The following ABCC4 variants were observed in gnomAD, a reference collection of about 807,000 sequenced individuals.
ABCC4 encodes ATP-binding cassette sub-family C member 4.
A neutral mutation model predicts 168.5 loss-of-function variants in ABCC4; 102 were observed. The observed-to-expected ratio is 0.61, with a 90% CI of 0.52 to 0.71. The LOEUF (loss-of-function observed/expected upper bound fraction) is 0.71. Among genes scored for constraint, ABCC4 ranks in the 30% least tolerant of loss-of-function variants. The pLI is 0.00. For synonymous variants in ABCC4, 617 were observed against 590.7 expected, an observed-to-expected ratio of 1.04 and a Z score of -0.65; for missense variants, 1,402 against 1,605.8, an observed-to-expected ratio of 0.87 and a Z score of 2.17.
intron 20 of ABCC4, among the ~76,000 whole-genome samples, 155 bp downstream of exon 20, chr13:95,115,767 T>C (rs150438891): frequency 2.0e-5 from 3 of 152,336 alleles, no homozygotes; most frequent in Admixed American, 6.5e-5. Context: ...CTCTGAGTTA[T>C]AACCGCACCT....
At chr13:95,244,669 G>T (rs9561818) in intron 3 of ABCC4, among the ~76,000 whole-genome samples, 33,056 of 68,032 alleles carry the variant, frequency 0.49, 10,751 homozygotes, top group Non-Finnish European at 0.58. Context: ...AAGAAAGAAA[G>T]AAATCATAGC....
chr13:95,261,466 C>G (rs573337767), intron 1 of ABCC4, among the ~76,000 whole-genome samples: 20 of 152,058 alleles, frequency 1.3e-4, no homozygotes, highest in African/African-American at 4.8e-4. Flanking sequence ...AAGAAATTAC[C>G]TAGAACTAGC....
At chr13:95,090,960 C>T (rs960085169) in intron 20 of ABCC4, among the ~76,000 whole-genome samples, 1 of 152,108 alleles carries the variant, frequency 6.6e-6, no homozygotes, top group African/African-American at 2.4e-5. Flanking sequence ...ACATTGGACA[C>T]ACTTACAGAA....
At chr13:95,046,698 G>C (rs1029939566) in intron 27 of ABCC4, among the ~76,000 whole-genome samples, 6 of 152,050 alleles carry the variant, frequency 3.9e-5, no homozygotes, top group Non-Finnish European at 5.9e-5. Flanking sequence ...GGGAGGCGGA[G>C]GTTGCAATAA....
At chr13:95,052,216 A>G (rs561481374) in intron 27 of ABCC4, among the ~76,000 whole-genome samples, 2 of 151,892 alleles carry the variant, frequency 1.3e-5, no homozygotes, top group African/African-American at 4.8e-5. Context: ...TCTGACCTCC[A>G]GTGATTCACC....
chr13:95,105,949 G>A (rs907199249), intron 20 of ABCC4, among the ~76,000 whole-genome samples: 3 of 152,184 alleles, frequency 2.0e-5, no homozygotes, highest in Non-Finnish European at 2.9e-5. Flanking sequence ...CAACCACCAC[G>A]TGTGCACAGG....
chr13:95,161,063 A>G, intron 19 of ABCC4, 126 bp downstream of exon 19: 1 of 608,070 alleles, frequency 1.6e-6, no homozygotes, highest in Non-Finnish European at 2.3e-6. Context: ...CTTGTGGAAA[A>G]TGAATCAACA....
chr13:95,160,364 C>G (rs1014331557), intron 19 of ABCC4, among the ~76,000 whole-genome samples: 3 of 152,176 alleles, frequency 2.0e-5, no homozygotes, highest in African/African-American at 7.2e-5. Context: ...CACAAGTCCA[C>G]TCAACTGAGC....
chr13:95,067,387 T>C (rs2033585475), intron 25 of ABCC4, among the ~76,000 whole-genome samples: 1 of 152,142 alleles, frequency 6.6e-6, no homozygotes, highest in African/African-American at 2.4e-5. Flanking sequence ...GTCTCATGTT[T>C]AGTCACAAGA....
chr13:95,190,477 G>A (rs2038218849), intron 9 of ABCC4, among the ~76,000 whole-genome samples: 1 of 152,138 alleles, frequency 6.6e-6, no homozygotes, highest in Non-Finnish European at 1.5e-5. Flanking sequence ...AGCATGATAG[G>A]GATAGTTTAC....
In ABCC4 at chr13:95,207,869, G is replaced by A. The variant is rs751301974; in HGVS notation, c.842C>T (p.Thr281Ile). 72 of 1,613,506 alleles carry A rather than the reference G, an allele frequency of 4.5e-5. No homozygotes were observed. Among genetic ancestry groups the A allele is most frequent in the Middle Eastern group, 3.3e-4 (2 of 6,082 alleles). The change falls in exon 7 of 31, where the codon ACT becomes ATT. Residue 281 changes from threonine (T) to isoleucine (I), a missense_variant. Coordinates refer to ENST00000645237, the MANE Select transcript of ABCC4 (RefSeq NM_005845.5). ...GTACATTTTTATTATCCTTATACCA[G>A]TTATAACTTCATTCATGGTCCTGAT... ...ARIRTMNEVI[T>I]GIRIIKMYAW...
intron 25 of ABCC4, among the ~76,000 whole-genome samples, chr13:95,066,909 C>T (rs759138131): frequency 2.6e-5 from 4 of 152,196 alleles, no homozygotes; most frequent in Non-Finnish European, 4.4e-5. Flanking sequence ...ATGCTGTGGA[C>T]ATGCGTGAGT....
chr13:95,257,243 T>G (rs1486121134), intron 1 of ABCC4, among the ~76,000 whole-genome samples: 1 of 152,182 alleles, frequency 6.6e-6, no homozygotes, highest in Non-Finnish European at 1.5e-5. Context: ...TGGAAAATCA[T>G]TGAGGAGAAG....
chr13:95,043,379 T>C, intron 29 of ABCC4: 1 of 276,220 alleles, frequency 3.6e-6, no homozygotes, highest in Admixed American at 4.8e-5. Flanking sequence ...TGTGATCTTC[T>C]ATTGGATACT....
chr13:95,301,321 G>A lies in ABCC4; in HGVS notation c.-7C>T, dbSNP rs776631569. 13 of 1,581,480 alleles carry A rather than the reference G, an allele frequency of 8.2e-6. No individual in the cohort carries two copies. The Middle Eastern group carries it at 1.0e-3, about 124-fold the overall frequency. Reference sequence around the variant, plus strand: ...CCTGGTACACGGGCAGCATCTTGCCGGGCGGGGCGGGCGCGGGCCGGGGTC... The same window carrying A: ...CCTGGTACACGGGCAGCATCTTGCCAGGCGGGGCGGGCGCGGGCCGGGGTC... On this transcript the variant is annotated 5_prime_UTR_variant, in exon 1 of 31. Transcript: ENST00000645237.
chr13:95,038,023 T>G (rs984012364), intron 29 of ABCC4, among the ~76,000 whole-genome samples: 5 of 152,122 alleles, frequency 3.3e-5, no homozygotes, highest in African/African-American at 1.2e-4. Flanking sequence ...GCCTGGCTAA[T>G]TTTTGTTTCT....
At chr13:95,230,697 C>T (rs1044550463) in intron 4 of ABCC4, among the ~76,000 whole-genome samples, 1 of 152,126 alleles carries the variant, frequency 6.6e-6, no homozygotes, top group Admixed American at 6.6e-5. Context: ...ATCACTTGAA[C>T]CCAGGAGGCA....
chr13:95,250,403 C>T (rs1334305875), intron 1 of ABCC4, among the ~76,000 whole-genome samples: 1 of 152,156 alleles, frequency 6.6e-6, no homozygotes, highest in South Asian at 2.1e-4. Flanking sequence ...TATTTGGAAT[C>T]CCCATTATGC....
chr13:95,182,543 T>A (rs1049917538), intron 11 of ABCC4, among the ~76,000 whole-genome samples: 6 of 152,256 alleles, frequency 3.9e-5, no homozygotes, highest in African/African-American at 1.4e-4. Context: ...CTTTCAAGCA[T>A]GTCACATTTC....
Sources: gnomAD v4.1 joint callset for allele counts (sites outside exome capture counted in the v4.1 genomes callset) on GRCh38, gnomAD v4.1.1 for gene constraint, MANE v1.5 for transcripts, NCBI Gene and HGNC (gene_info 2026-07-23, HGNC 2026-07-21) for gene names.